CACNA2D1: variants seen among roughly 807,000 people sequenced by gnomAD.
The protein encoded by CACNA2D1 is voltage-dependent calcium channel subunit alpha-2/delta-1.
CACNA2D1 carries 53 observed loss-of-function variants against 171.5 expected under a neutral mutation model. The ratio of observed to expected loss-of-function variants is 0.31; its 90% CI spans 0.25 to 0.39. The LOEUF (loss-of-function observed/expected upper bound fraction) is 0.39. Ranked by LOEUF, CACNA2D1 falls within the 10% of genes least tolerant of loss-of-function variation. The probability of loss-of-function intolerance (pLI) is 1.00; values close to 1 mark genes in which losing one functional copy is unlikely to be tolerated. For synonymous variants in CACNA2D1, 442 were observed against 443.1 expected, an observed-to-expected ratio of 1.00 and a Z score of 0.03; for missense variants, 903 against 1,299.8, an observed-to-expected ratio of 0.69 and a Z score of 4.69.
chr7:82,298,829 G>A (rs1486384134), intron 3 of CACNA2D1, among the ~76,000 whole-genome samples: 6 of 152,030 alleles, frequency 3.9e-5, no homozygotes, highest in Admixed American at 1.3e-4. Flanking sequence ...TTGGGAGGCC[G>A]AGGTGGGCGG....
intron 10 of CACNA2D1, among the ~76,000 whole-genome samples, chr7:82,049,412 C>T (rs1584538936): frequency 6.6e-6 from 1 of 152,136 alleles, no homozygotes; most frequent in Admixed American, 6.5e-5. Context: ...AATATTCAAA[C>T]ATCCATAGTA....
At chr7:82,246,085 GA>G (rs1431150083) in intron 3 of CACNA2D1, among the ~76,000 whole-genome samples, 1 of 151,480 alleles carries the variant, frequency 6.6e-6, no homozygotes. Flanking sequence ...AGACACCAAA[GA>G]ATATTCATTT....
intron 3 of CACNA2D1, among the ~76,000 whole-genome samples, chr7:82,235,501 C>T (rs551010873): frequency 2.0e-5 from 3 of 152,234 alleles, no homozygotes; most frequent in East Asian, 1.9e-4. Flanking sequence ...AATTTCCAGT[C>T]GCTCATGCCA....
chr7:82,169,221 C>T (rs1795772084), intron 4 of CACNA2D1, among the ~76,000 whole-genome samples: 1 of 151,982 alleles, frequency 6.6e-6, no homozygotes, highest in African/African-American at 2.4e-5. Context: ...TTACAGTTTG[C>T]TCGATGCTCT....
At chr7:82,034,832 G>A (rs777836373) in intron 11 of CACNA2D1, among the ~76,000 whole-genome samples, 3 of 151,934 alleles carry the variant, frequency 2.0e-5, no homozygotes, top group South Asian at 4.1e-4. Flanking sequence ...GTATACTTAC[G>A]TAAATAAAAT....
intron 3 of CACNA2D1, among the ~76,000 whole-genome samples, chr7:82,288,738 T>C (rs763600270): frequency 6.6e-6 from 1 of 152,208 alleles, no homozygotes; most frequent in Non-Finnish European, 1.5e-5. Context: ...CCTATGGTTT[T>C]ATGCTCCTAT....
intron 4 of CACNA2D1, among the ~76,000 whole-genome samples, chr7:82,156,116 T>C (rs771908708): frequency 2.2e-4 from 33 of 152,192 alleles, no homozygotes; most frequent in Non-Finnish European, 4.4e-4. Context: ...ACCTGAAATG[T>C]AATTACATAA....
chr7:82,400,925 C>T (rs1826327805), intron 1 of CACNA2D1, among the ~76,000 whole-genome samples: 1 of 152,130 alleles, frequency 6.6e-6, no homozygotes, highest in African/African-American at 2.4e-5. Context: ...CAAAAGAAGA[C>T]ATTTATGAAG....
chr7:82,219,341 A>AAGCATAATT (rs1423678765), intron 3 of CACNA2D1, among the ~76,000 whole-genome samples: 1 of 152,142 alleles, frequency 6.6e-6, no homozygotes, highest in Non-Finnish European at 1.5e-5. Context: ...ACTTGGAAAT[A>AAGCATAATT]AGCATAATTG....
chr7:82,268,777 G>C (rs1425770147), intron 3 of CACNA2D1, among the ~76,000 whole-genome samples: 1 of 148,432 alleles, frequency 6.7e-6, no homozygotes, highest in Non-Finnish European at 1.5e-5. Flanking sequence ...ACAATGACAA[G>C]AAGCCTTTCC....
intron 1 of CACNA2D1, among the ~76,000 whole-genome samples, chr7:82,388,091 AAAC>A (rs200911861): frequency 0.022 from 3,355 of 151,542 alleles, 41 homozygotes; most frequent in South Asian, 0.043. Context: ...AAACAAAAAC[AAAC>A]AACAAAAAAA....
chr7:82,345,361 AG>A (rs760602640), intron 2 of CACNA2D1, among the ~76,000 whole-genome samples: 2 of 152,228 alleles, frequency 1.3e-5, no homozygotes, highest in Non-Finnish European at 2.9e-5. Context: ...ATCAAAAGCC[AG>A]GAAGTTCTAT....
chr7:82,443,744 T>C lies in CACNA2D1; in HGVS notation c.-285A>G. The C allele has an allele frequency of 2.5e-6, 3 of 1,202,810 alleles. No individual in the cohort carries two copies. In the East Asian group the frequency reaches 9.5e-5, roughly 38 times the overall value. 74.5% of individuals were successfully genotyped at this position (1,202,810 alleles called of 1,614,324 possible). ...TCAAGGGCGACTTTGGAAACAGACC[T>C]CGGCGAGCCCGCCGGCGCTCGCGCG... On this transcript the variant is annotated 5_prime_UTR_variant, in exon 1 of 39. Transcript: ENST00000356860.
At chr7:82,429,396 G>C (rs1829480041) in intron 1 of CACNA2D1, among the ~76,000 whole-genome samples, 1 of 151,936 alleles carries the variant, frequency 6.6e-6, no homozygotes, top group Admixed American at 6.6e-5. Context: ...ACAGAAGGAA[G>C]AAGGAAAAAA....
At chr7:82,137,554 C>T (rs1791772884) in intron 4 of CACNA2D1, among the ~76,000 whole-genome samples, 1 of 151,916 alleles carries the variant, frequency 6.6e-6, no homozygotes, top group Non-Finnish European at 1.5e-5. Context: ...TTCCCTGCCT[C>T]TTAAACATCC....
chr7:82,392,637 G>A (rs1825259050), intron 1 of CACNA2D1, among the ~76,000 whole-genome samples: 1 of 152,180 alleles, frequency 6.6e-6, no homozygotes, highest in African/African-American at 2.4e-5. Flanking sequence ...GGCCACAGAA[G>A]TCCCTGACTG....
intron 5 of CACNA2D1, among the ~76,000 whole-genome samples, chr7:82,124,849 C>T (rs1490865971): frequency 6.6e-6 from 1 of 151,934 alleles, no homozygotes. Flanking sequence ...ATGTTTGATA[C>T]CTAAAAGTGT....
chr7:82,370,581 A>G (rs377042432), intron 1 of CACNA2D1, among the ~76,000 whole-genome samples: 1 of 52,722 alleles, frequency 1.9e-5, no homozygotes, highest in South Asian at 6.7e-4. Context: ...ATGGATGGAT[A>G]GAAATAGAGA....
chr7:82,097,559 G>A (rs1812039409), intron 6 of CACNA2D1, among the ~76,000 whole-genome samples: 1 of 152,114 alleles, frequency 6.6e-6, no homozygotes, highest in Admixed American at 6.5e-5. Flanking sequence ...TATTAACAAA[G>A]ATATGAACAT....
Sources: gnomAD v4.1 joint callset for allele counts (sites outside exome capture counted in the v4.1 genomes callset) on GRCh38, gnomAD v4.1.1 for gene constraint, MANE v1.5 for transcripts, NCBI Gene and HGNC (gene_info 2026-07-23, HGNC 2026-07-21) for gene names.